The following FMNL1 variants were observed in gnomAD, a reference collection of about 807,000 sequenced individuals.
The protein encoded by FMNL1 is formin like 1.
FMNL1 carries 43 observed loss-of-function variants against 121.3 expected under a neutral mutation model. That is an observed-to-expected ratio of 0.35 (90% CI 0.28 to 0.46). The LOEUF (loss-of-function observed/expected upper bound fraction) is 0.46. Ranked by LOEUF, FMNL1 falls within the 20% of genes least tolerant of loss-of-function variation. The probability of loss-of-function intolerance (pLI) is 1.00; values close to 1 mark genes in which losing one functional copy is unlikely to be tolerated. For synonymous variants in FMNL1, 613 were observed against 613.5 expected, an observed-to-expected ratio of 1.00 and a Z score of 0.01; for missense variants, 1,191 against 1,482.4, an observed-to-expected ratio of 0.80 and a Z score of 3.23.
chr17:45,243,357 C>A (rs374369218), intron 17 of FMNL1, 37 bp downstream of exon 17: 28 of 1,605,044 alleles, frequency 1.7e-5, no homozygotes, highest in Non-Finnish European at 2.3e-5. Context: ...GGCAGTCCGG[C>A]CCCTTTGCTA....
chr17:45,245,899 C>G lies in FMNL1; in HGVS notation c.3016C>G (p.Gln1006Glu), dbSNP rs780903704. 6.3e-7 allele frequency: 1 copy of G among 1,593,272 alleles called. No individual in the cohort carries two copies. The highest frequency in any genetic ancestry group is 8.5e-7 in the Non-Finnish European group (1 of 1,172,708). ...ACAGAAAGCTGAGCAGGAGGTGGAA[C>G]AGTGGAAAAAAGAAGCCGCTGCCCA... ...AYKKAEQEVE[Q>E]WKKEAAAQEA... Residue 1006 changes from glutamine (Q) to glutamate (E), a missense_variant, in exon 24 of 27, where the codon CAG becomes GAG. Gln to Glu is a conservative substitution (Grantham distance 29). Transcript: ENST00000331495.
In FMNL1 at chr17:45,233,571, C is replaced by A; in HGVS notation, c.402-77C>A. ...GGGTTGAAAGGGCACCCCAGGGGTC[C>A]TTGCTGTCCCTGTTCTGTGCCCATG... On this transcript the variant is annotated intron_variant, in intron 4 of 26. Coordinates refer to ENST00000331495, the MANE Select transcript of FMNL1 (RefSeq NM_005892.4). The surrounding 1 kb of genome is among the most constrained non-coding windows in gnomAD (Gnocchi z 4.1). 1 of 1,558,956 alleles carries A rather than the reference C, an allele frequency of 6.4e-7. No homozygotes were observed. Among genetic ancestry groups the A allele is most frequent in the South Asian group, 1.1e-5 (1 of 88,944 alleles).
chr17:45,246,677 C>G, intron 26 of FMNL1, 73 bp downstream of exon 26: 2 of 1,428,940 alleles, frequency 1.4e-6, no homozygotes, highest in Non-Finnish European at 1.9e-6. Context: ...CTGAGGCATG[C>G]TGCCTTCTCC....
Position 45,242,415 on chromosome 17 carries a change from C to G in FMNL1, c.1960C>G (p.Gln654Glu), listed in dbSNP as rs1231062141. The G allele has an allele frequency of 6.2e-7, 1 of 1,614,136 alleles. No homozygotes were observed. Among genetic ancestry groups the G allele is most frequent in the East Asian group, 2.2e-5 (1 of 44,894 alleles). The change falls in exon 16 of 27, where the codon CAG (glutamine) becomes GAG (glutamate). Residue 654 changes from glutamine to glutamate, a missense_variant. By Grantham distance (29) the Gln-to-Glu change is conservative. Around this residue, in one of 4 missense-constraint regions of FMNL1, gnomAD observed 519 missense variants for 492.8 expected, o/e 1.05. Coordinates refer to ENST00000331495, the MANE Select transcript of FMNL1 (RefSeq NM_005892.4). ...LLNWVALKPS[Q>E]ITGTVFTELN... ...GAACTGGGTGGCACTGAAACCCAGC[C>G]AGATCACCGGCACTGTCTTCACAGA...
chr17:45,241,902 A>G lies in FMNL1; in HGVS notation c.1641A>G (p.Pro547=). ...APGAAPPPPP[P]LPGLPSPQEA... ...GAGCAGCGCCACCGCCGCCGCCCCC[A>G]CTGCCCGGCCTCCCCTCCCCGCAGG... The change falls in exon 15 of 27, where the codon CCA becomes CCG. Residue 547 remains proline, a synonymous_variant. Transcript: ENST00000331495. The surrounding 1 kb of genome is among the most constrained non-coding windows in gnomAD (Gnocchi z 7.0). 1 of 1,395,556 alleles carries G rather than the reference A, an allele frequency of 7.2e-7. No individual in the cohort carries two copies. Among genetic ancestry groups the G allele is most frequent in the Non-Finnish European group, 9.2e-7 (1 of 1,084,682 alleles). 86.4% of individuals were successfully genotyped at this position (1,395,556 alleles called of 1,614,324 possible). A position where few individuals can be genotyped will look rare whatever the true frequency, so the allele number is the denominator to read the frequency against.
chr17:45,241,660 G>C lies in FMNL1; in HGVS notation c.1585+26G>C, dbSNP rs2143553566. The C allele has an allele frequency of 6.8e-7, 1 of 1,475,736 alleles. No individual in the cohort carries two copies. The highest frequency in any genetic ancestry group is 1.4e-5 in the South Asian group (1 of 73,296). The allele number at this position is 1,475,736 out of a possible 1,614,324, so 91.4% of individuals were successfully genotyped here. The stretch of plus-strand genomic sequence containing the variant: ...GTGCGCAGGAGCTTCAGGCTGGCGG[G>C]GATGCGGGGCAGGGTCTGGAGGGGA... On this transcript the variant is annotated intron_variant, in intron 14 of 26. Coordinates refer to ENST00000331495, the MANE Select transcript of FMNL1 (RefSeq NM_005892.4). The surrounding 1 kb of genome is among the most constrained non-coding windows in gnomAD (Gnocchi z 7.0).
In FMNL1 at chr17:45,242,132, C is replaced by A; in HGVS notation, c.1871C>A (p.Ser624Ter). 6.5e-7 allele frequency: 1 copy of A among 1,539,834 alleles called. No homozygotes were observed. The highest frequency in any genetic ancestry group is 8.7e-7 in the Non-Finnish European group (1 of 1,143,178). ...CCTGATGCCCTAGGAAGACGCGACTCAGAATTGGGCCCAGGTGAGTGGAGT... is the reference window on the plus strand; with the variant it reads ...CCTGATGCCCTAGGAAGACGCGACTAAGAATTGGGCCCAGGTGAGTGGAGT... ...GPPDALGRRD[S>*]ELGPGVKAKK... The change falls in exon 15 of 27, where the codon TCA becomes TAA. Residue 624 changes from serine to a stop codon, truncating the protein, a stop_gained. Transcript: ENST00000331495. LOFTEE classifies it high-confidence loss of function.
At chr17:45,232,002 G>C (rs1421211745) in intron 2 of FMNL1, among the ~76,000 whole-genome samples, 1 of 152,178 alleles carries the variant, frequency 6.6e-6, no homozygotes, top group Non-Finnish European at 1.5e-5. Flanking sequence ...GCCTAGGCCA[G>C]GGGTTTTTAA....
intron 1 of FMNL1, among the ~76,000 whole-genome samples, chr17:45,224,790 G>A (rs2043299471): frequency 6.6e-6 from 1 of 152,232 alleles, no homozygotes; most frequent in Non-Finnish European, 1.5e-5. Flanking sequence ...AGAGCAGGTT[G>A]AGCCAGGGTT....
rs1220345888 is a variant in FMNL1, at chr17:45,241,753, G to A, written c.1586-94G>A. 15 of 1,430,348 alleles carry A rather than the reference G, an allele frequency of 1.0e-5. No individual in the cohort carries two copies. The highest frequency in any genetic ancestry group is 1.4e-5 in the Non-Finnish European group (15 of 1,096,192). The allele number at this position is 1,430,348 out of a possible 1,614,324, so 88.6% of individuals were successfully genotyped here. ...TTGGATTGTAGGCTCGGCTCAGGTA[G>A]GAGCGCATGCGTAGAGCGGAGAGGC... is the stretch of plus-strand genomic sequence containing the variant. On this transcript the variant is annotated intron_variant, in intron 14 of 26. Coordinates refer to ENST00000331495, the MANE Select transcript of FMNL1 (RefSeq NM_005892.4). This position sits in a 1 kb window ranked among gnomAD's most constrained non-coding sequence, Gnocchi z 7.0.
intron 6 of FMNL1, 56 bp downstream of exon 6, chr17:45,234,256 G>A: frequency 1.2e-6 from 2 of 1,612,272 alleles, no homozygotes; most frequent in Non-Finnish European, 1.7e-6. Context: ...CCCCCACACT[G>A]CTGCATCTAG....
chr17:45,241,831 G>A lies in FMNL1; in HGVS notation c.1586-16G>A, dbSNP rs116144415. 2,902 of 1,415,730 alleles carry A rather than the reference G, an allele frequency of 2.0e-3. 50 individuals are homozygous for A. The African/African-American group carries it at 0.038, about 19-fold the overall frequency. 87.7% of individuals were successfully genotyped at this position (1,415,730 alleles called of 1,614,324 possible). A position where few individuals can be genotyped will look rare whatever the true frequency, so the allele number is the denominator to read the frequency against. ...CTGACTCGCGCCTCCCCCACGCCGC[G>A]CCCTCGCTGGCTCAGATCTCGCACC... On this transcript the variant is annotated splice_polypyrimidine_tract_variant and intron_variant, in intron 14 of 26. Transcript: ENST00000331495. The surrounding 1 kb of genome is among the most constrained non-coding windows in gnomAD (Gnocchi z 7.0).
At chr17:45,245,805 G>A (rs2043817436) in intron 23 of FMNL1, 72 bp downstream of exon 23, 3 of 1,606,980 alleles carry the variant, frequency 1.9e-6, no homozygotes, top group Admixed American at 1.7e-5. Flanking sequence ...CGGAGGGGTG[G>A]GGCTGCTTCT....
chr17:45,241,593 A>G lies in FMNL1; in HGVS notation c.1544A>G (p.Asp515Gly), dbSNP rs2043696485. Residue 515 changes from aspartate to glycine, a missense_variant, in exon 14 of 27, where the codon GAT (aspartate) becomes GGT (glycine). Physicochemically the swap from Asp to Gly is moderately conservative, Grantham distance 94 (BLOSUM62 -1). Coordinates refer to ENST00000331495, the MANE Select transcript of FMNL1 (RefSeq NM_005892.4). The surrounding 1 kb of genome is among the most constrained non-coding windows in gnomAD (Gnocchi z 7.0). Reference protein sequence around the residue: ...PVAVATPSGGDAPTPGVPTGS... With the variant: ...PVAVATPSGGGAPTPGVPTGS... Reference sequence around the variant, plus strand: ...GCTGTGGCAACTCCGAGCGGCGGTGATGCTCCGACTCCGGGGGTGCCGACC... The same window carrying G: ...GCTGTGGCAACTCCGAGCGGCGGTGGTGCTCCGACTCCGGGGGTGCCGACC... 1 of 1,550,578 alleles carries G rather than the reference A, an allele frequency of 6.4e-7. No homozygotes were observed. Among genetic ancestry groups the G allele is most frequent in the Non-Finnish European group, 8.7e-7 (1 of 1,145,884 alleles).
chr17:45,229,002 G>A (rs2043385349), intron 1 of FMNL1, among the ~76,000 whole-genome samples: 1 of 152,186 alleles, frequency 6.6e-6, no homozygotes, highest in Admixed American at 6.5e-5. Flanking sequence ...GATGGACAGG[G>A]ACAGAGAGAC....
In FMNL1 at chr17:45,241,487, G is replaced by A; in HGVS notation, c.1438G>A (p.Val480Met). The change falls in exon 14 of 27, where the codon GTG becomes ATG. Residue 480 changes from valine to methionine, a missense_variant. By Grantham distance (21) the Val-to-Met change is conservative. Around this residue, in one of 4 missense-constraint regions of FMNL1, gnomAD observed 519 missense variants for 492.8 expected, o/e 1.05. Coordinates refer to ENST00000331495, the MANE Select transcript of FMNL1 (RefSeq NM_005892.4). This position sits in a 1 kb window ranked among gnomAD's most constrained non-coding sequence, Gnocchi z 7.0. ...PTRPSALELK[V>M]EELEEKGLIR... ...GCGGCCCTCGGCCCTGGAGCTGAAG[G>A]TGGAGGAGCTGGAGGAGAAGGGGTT... The A allele has an allele frequency of 6.3e-7, 1 of 1,577,658 alleles. No individual in the cohort carries two copies. The highest frequency in any genetic ancestry group is 1.3e-5 in the African/African-American group (1 of 74,492).
chr17:45,240,363 C>T, intron 11 of FMNL1, 113 bp from the exon 12 acceptor site: 1 of 1,146,022 alleles, frequency 8.7e-7, no homozygotes, highest in Non-Finnish European at 1.2e-6. Context: ...AAAAAGTAGG[C>T]TAGGGCTCAG....
In FMNL1 at chr17:45,241,741, T is replaced by G. The variant is rs536846253; in HGVS notation, c.1586-106T>G. ...GGCGAGGGAGGTTTGGATTGTAGGC[T>G]CGGCTCAGGTAGGAGCGCATGCGTA... On this transcript the variant is annotated intron_variant, in intron 14 of 26. Coordinates refer to ENST00000331495, the MANE Select transcript of FMNL1 (RefSeq NM_005892.4). The surrounding 1 kb of genome is among the most constrained non-coding windows in gnomAD (Gnocchi z 7.0). 1 of 1,430,940 alleles carries G rather than the reference T, an allele frequency of 7.0e-7. No individual in the cohort carries two copies. Among genetic ancestry groups the G allele is most frequent in the Non-Finnish European group, 9.1e-7 (1 of 1,096,462 alleles). 88.6% of individuals were successfully genotyped at this position (1,430,940 alleles called of 1,614,324 possible).
intron 1 of FMNL1, among the ~76,000 whole-genome samples, chr17:45,229,393 G>T (rs1414741245): frequency 6.6e-6 from 1 of 152,226 alleles, no homozygotes; most frequent in East Asian, 1.9e-4. Context: ...GCTGGCTGGG[G>T]AGTCTCAGGT....
Sources: gnomAD v4.1 joint callset for allele counts (sites outside exome capture counted in the v4.1 genomes callset) on GRCh38, gnomAD v4.1.1 for gene constraint, gnomAD v4.1.1 regional missense constraint, Gnocchi (gnomAD v3.1) non-coding constraint, MANE v1.5 for transcripts, NCBI Gene and HGNC (gene_info 2026-07-23, HGNC 2026-07-21) for gene names.